PAPSS1: variants seen among roughly 807,000 people sequenced by gnomAD.
The protein encoded by PAPSS1 is bifunctional 3'-phosphoadenosine 5'-phosphosulfate synthase 1.
PAPSS1 carries 50 observed loss-of-function variants against 72.0 expected under a neutral mutation model. The observed-to-expected ratio is 0.69, with a 90% confidence interval of 0.55 to 0.88. The LOEUF is 0.88. PAPSS1 is among the 40% of genes least tolerant of loss of function. The pLI is 0.00. For synonymous variants in PAPSS1, 261 were observed against 263.6 expected, an observed-to-expected ratio of 0.99 and a Z score of 0.09; for missense variants, 657 against 782.2, an observed-to-expected ratio of 0.84 and a Z score of 1.91.
chr4:107,705,384 T>C (rs1723315205), intron 1 of PAPSS1, among the ~76,000 whole-genome samples: 1 of 152,158 alleles, frequency 6.6e-6, no homozygotes, highest in African/African-American at 2.4e-5. Flanking sequence ...GATTTGATAG[T>C]TCCAAAGTGT....
chr4:107,669,487 G>T (rs1234550677), intron 5 of PAPSS1, among the ~76,000 whole-genome samples: 2 of 152,140 alleles, frequency 1.3e-5, no homozygotes, highest in Non-Finnish European at 2.9e-5. Context: ...AATAACAGTG[G>T]TGAAGACCAA....
intron 5 of PAPSS1, 80 bp from the exon 6 acceptor site, chr4:107,660,152 T>G: frequency 4.0e-6 from 3 of 742,908 alleles, no homozygotes; most frequent in Non-Finnish European, 6.4e-6. Flanking sequence ...ATGAAGAAAA[T>G]CTCTCAAAAT....
At chr4:107,673,730 C>T (rs1727560636) in intron 5 of PAPSS1, among the ~76,000 whole-genome samples, 1 of 151,450 alleles carries the variant, frequency 6.6e-6, no homozygotes, top group Non-Finnish European at 1.5e-5. Context: ...AGAGCAACTC[C>T]AAGACACACA....
intron 4 of PAPSS1, among the ~76,000 whole-genome samples, chr4:107,685,094 C>T (rs774851377): frequency 1.3e-5 from 2 of 152,042 alleles, no homozygotes; most frequent in Non-Finnish European, 1.5e-5. Flanking sequence ...TTAGTAGAGA[C>T]GGGGTTTCAC....
At chr4:107,626,877 T>C (rs1037000494) in intron 11 of PAPSS1, among the ~76,000 whole-genome samples, 4 of 152,172 alleles carry the variant, frequency 2.6e-5, no homozygotes, top group African/African-American at 9.7e-5. Context: ...GTTAGAAAAC[T>C]AAGGCAGTTT....
intron 5 of PAPSS1, among the ~76,000 whole-genome samples, chr4:107,665,931 C>T (rs1021233158): frequency 6.6e-6 from 1 of 152,172 alleles, no homozygotes; most frequent in African/African-American, 2.4e-5. Context: ...CATGTTAATA[C>T]AATGATTCCA....
intron 5 of PAPSS1, among the ~76,000 whole-genome samples, chr4:107,661,918 C>G (rs1216682766): frequency 2.0e-5 from 3 of 152,190 alleles, no homozygotes; most frequent in African/African-American, 7.2e-5. Context: ...AAGAACTATT[C>G]TCTTACATTT....
At chr4:107,616,088 G>C (rs929332740) in intron 11 of PAPSS1, among the ~76,000 whole-genome samples, 2 of 149,884 alleles carry the variant, frequency 1.3e-5, no homozygotes, top group Non-Finnish European at 2.9e-5. Flanking sequence ...AATAGAGAGA[G>C]AGAGAGAGAG....
chr4:107,683,140 T>G (rs1276913536), intron 4 of PAPSS1, among the ~76,000 whole-genome samples: 2 of 152,172 alleles, frequency 1.3e-5, no homozygotes, highest in South Asian at 4.1e-4. Context: ...CTTAGGTCAT[T>G]CTTAGGTTAG....
chr4:107,712,050 T>C (rs898203482), intron 1 of PAPSS1, among the ~76,000 whole-genome samples: 1 of 152,236 alleles, frequency 6.6e-6, no homozygotes, highest in Non-Finnish European at 1.5e-5. Flanking sequence ...ATCAGTACCA[T>C]CTGTCATGCA....
intron 1 of PAPSS1, among the ~76,000 whole-genome samples, chr4:107,706,019 G>C (rs1387072863): frequency 6.6e-6 from 1 of 152,188 alleles, no homozygotes; most frequent in Non-Finnish European, 1.5e-5. Context: ...CTGCTGAAAA[G>C]TCTGCTGCTA....
At position 107,697,556 on chromosome 4, in the gene PAPSS1, T is replaced by C. The variant is rs913295639; in HGVS notation, c.176-3550A>G. 2.6e-5 allele frequency among the ~76,000 whole-genome samples: 4 copies of C among 152,206 alleles called. No individual in the cohort carries two copies. In the South Asian group the frequency reaches 8.3e-4, roughly 32 times the overall value. On this transcript the variant is annotated intron_variant, in intron 2 of 11. Transcript: ENST00000265174. ...AAAAGTGTCTGTTCATACATACATGTGTATTTATATGTTTTAAGTGCATAT... is the reference window on the plus strand; with the variant it reads ...AAAAGTGTCTGTTCATACATACATGCGTATTTATATGTTTTAAGTGCATAT...
chr4:107,669,744 G>A (rs1727423286), intron 5 of PAPSS1, among the ~76,000 whole-genome samples: 2 of 152,112 alleles, frequency 1.3e-5, no homozygotes, highest in African/African-American at 2.4e-5. Flanking sequence ...GGAGGCATTT[G>A]CATTTCTTCT....
chr4:107,638,200 G>T (rs1044644422), intron 10 of PAPSS1, among the ~76,000 whole-genome samples: 3 of 152,130 alleles, frequency 2.0e-5, no homozygotes, highest in African/African-American at 7.2e-5. Context: ...CACATTTCTA[G>T]TTTGCAATGC....
chr4:107,631,542 T>C (rs1560565899), intron 11 of PAPSS1, 89 bp downstream of exon 11: 3 of 858,750 alleles, frequency 3.5e-6, no homozygotes, highest in African/African-American at 1.7e-5. Context: ...AAACCTGTCA[T>C]CAGTAAAGAT....
chr4:107,690,501 C>T (rs1722888580), intron 3 of PAPSS1, among the ~76,000 whole-genome samples: 1 of 152,156 alleles, frequency 6.6e-6, no homozygotes, highest in African/African-American at 2.4e-5. Flanking sequence ...TCATCACTTG[C>T]CTCAAGATAT....
At chr4:107,655,283 C>T (rs1036036971) in intron 7 of PAPSS1, among the ~76,000 whole-genome samples, 31 of 152,116 alleles carry the variant, frequency 2.0e-4, no homozygotes, top group African/African-American at 7.5e-4. Context: ...CAAAGAACTA[C>T]GTTTCTGGGC....
chr4:107,682,454 G>A (rs575001418), intron 4 of PAPSS1, among the ~76,000 whole-genome samples: 123 of 152,266 alleles, frequency 8.1e-4, no homozygotes, highest in Non-Finnish European at 1.3e-3. Context: ...GTTTATTTTC[G>A]CTGGGAACTG....
chr4:107,644,358 G>A (rs1217378842), intron 10 of PAPSS1, among the ~76,000 whole-genome samples: 1 of 152,188 alleles, frequency 6.6e-6, no homozygotes, highest in African/African-American at 2.4e-5. Context: ...AAAGGAACGT[G>A]CCTATCTCTG....
Sources: allele counts gnomAD v4.1 joint callset (sites outside exome capture counted in the v4.1 genomes callset), GRCh38; gene constraint gnomAD v4.1.1; transcripts MANE v1.5; gene names NCBI Gene and HGNC (gene_info 2026-07-23, HGNC 2026-07-21).